KAZN: variants seen among roughly 807,000 people sequenced by gnomAD.
KAZN encodes kazrin.
KAZN carries 40 observed loss-of-function variants against 87.4 expected under a neutral mutation model. The ratio of observed to expected loss-of-function variants is 0.46; its 90% CI spans 0.36 to 0.60. KAZN has a LOEUF of 0.60. KAZN is among the 20% of genes least tolerant of loss of function. The pLI is 0.00. For missense variants in KAZN, 898 were observed against 1,073.9 expected (o/e 0.84, Z 2.29); for synonymous variants, 466 against 458.3 (o/e 1.02, Z -0.22).
chr1:14,086,604 G>A (rs1410439237), intron 1 of KAZN, among the ~76,000 whole-genome samples: 2 of 152,020 alleles, frequency 1.3e-5, no homozygotes, highest in African/African-American at 4.8e-5. Context: ...AAGTTCTAAA[G>A]ACATAAATAA....
At chr1:14,115,415 T>A (rs1644594178) in intron 1 of KAZN, among the ~76,000 whole-genome samples, 1 of 152,214 alleles carries the variant, frequency 6.6e-6, no homozygotes, top group Non-Finnish European at 1.5e-5. Context: ...TTTCCTGTGC[T>A]GTTCTCATGA....
intron 1 of KAZN, among the ~76,000 whole-genome samples, chr1:13,955,443 AT>A (rs1176392946): frequency 6.6e-6 from 1 of 152,086 alleles, no homozygotes; most frequent in Non-Finnish European, 1.5e-5. Flanking sequence ...TAAAATTATT[AT>A]TTTTTTAAAG....
At chr1:15,044,235 G>A (rs1043114445) in intron 4 of KAZN, 76 bp downstream of exon 4, 33 of 559,648 alleles carry the variant, frequency 5.9e-5, no homozygotes, top group African/African-American at 2.8e-4. Context: ...GTCTGGCACC[G>A]ACTCACATCG....
intron 1 of KAZN, among the ~76,000 whole-genome samples, chr1:14,853,479 T>A (rs1649706523): frequency 6.6e-6 from 1 of 152,118 alleles, no homozygotes; most frequent in South Asian, 2.1e-4. Context: ...AGATGGGGCA[T>A]CTGAGGCACA....
chr1:14,389,528 A>G (rs889033241), intron 2 of KAZN, among the ~76,000 whole-genome samples: 2 of 152,162 alleles, frequency 1.3e-5, no homozygotes, highest in African/African-American at 2.4e-5. Context: ...CATAAAAAGA[A>G]CAAGATCCTG....
At chr1:14,753,245 AT>A (rs1268307567) in intron 1 of KAZN, among the ~76,000 whole-genome samples, 1 of 152,058 alleles carries the variant, frequency 6.6e-6, no homozygotes, top group Non-Finnish European at 1.5e-5. Context: ...TTTTCTTTCA[AT>A]AGGTTTTTAG....
At chr1:14,740,249 G>T (rs1644047707) in intron 1 of KAZN, among the ~76,000 whole-genome samples, 1 of 152,154 alleles carries the variant, frequency 6.6e-6, no homozygotes, top group African/African-American at 2.4e-5. Context: ...CAGAGACACC[G>T]TGCTGTGCGG....
chr1:14,772,708 C>T (rs1262845812), intron 1 of KAZN, among the ~76,000 whole-genome samples: 1 of 152,138 alleles, frequency 6.6e-6, no homozygotes, highest in Non-Finnish European at 1.5e-5. Context: ...AAAGCCTTTG[C>T]TGCATTTCCA....
At chr1:14,723,740 G>A (rs1643240043) in intron 1 of KAZN, among the ~76,000 whole-genome samples, 2 of 152,176 alleles carry the variant, frequency 1.3e-5, no homozygotes, top group Admixed American at 1.3e-4. Flanking sequence ...AACCACGTCG[G>A]AGTGTGGCTC....
intron 2 of KAZN, among the ~76,000 whole-genome samples, chr1:14,571,742 C>G (rs1290645182): frequency 2.0e-5 from 3 of 152,166 alleles, no homozygotes; most frequent in African/African-American, 7.2e-5. Flanking sequence ...GGTACCTCCC[C>G]TCCGCCAAGA....
chr1:14,079,695 T>G (rs1304849419), intron 1 of KAZN, among the ~76,000 whole-genome samples: 1 of 152,182 alleles, frequency 6.6e-6, no homozygotes, highest in East Asian at 1.9e-4. Flanking sequence ...GTGGGAAAGT[T>G]ATCTCTGGGT....
rs141075864 is a variant in KAZN, at chr1:15,012,062, C to CT, written c.419-22685dup. Among the ~76,000 whole-genome samples the CT allele has an allele frequency of 5.3e-5, 8 of 152,312 alleles. No individual in the cohort carries two copies. In the East Asian group the frequency reaches 1.5e-3, roughly 29 times the overall value. Reference sequence around the variant, plus strand: ...AATGGCAGCTAACACCATGGGCACTCTTGCAGGTCCCTTGCATGTGGAGTA... The same window carrying CT: ...AATGGCAGCTAACACCATGGGCACTCTTTGCAGGTCCCTTGCATGTGGAGTA... On this transcript the variant is annotated intron_variant, in intron 2 of 14. Coordinates refer to ENST00000376030, the MANE Select transcript of KAZN (RefSeq NM_201628.3).
intron 2 of KAZN, among the ~76,000 whole-genome samples, chr1:14,418,424 CACT>C (rs1217681523): frequency 6.6e-6 from 1 of 152,138 alleles, no homozygotes; most frequent in Non-Finnish European, 1.5e-5. Context: ...AAACAGTGGC[CACT>C]ACTTTTATTA....
At chr1:14,244,593 G>T (rs1649317568) in intron 2 of KAZN, among the ~76,000 whole-genome samples, 1 of 152,082 alleles carries the variant, frequency 6.6e-6, no homozygotes, top group Non-Finnish European at 1.5e-5. Context: ...GGTGATAAGT[G>T]CTTGGGGGAA....
At chr1:15,045,326 C>T (rs1043730238) in intron 4 of KAZN, among the ~76,000 whole-genome samples, 4 of 152,184 alleles carry the variant, frequency 2.6e-5, no homozygotes, top group Admixed American at 2.0e-4. Context: ...GAATCCAGCC[C>T]CAGGTGCTTC....
intron 2 of KAZN, among the ~76,000 whole-genome samples, chr1:14,461,334 C>A (rs1306574907): frequency 6.6e-6 from 1 of 152,084 alleles, no homozygotes; most frequent in African/African-American, 2.4e-5. Context: ...TCATGGGGGG[C>A]AGTTCCCGCA....
intron 1 of KAZN, among the ~76,000 whole-genome samples, chr1:14,002,752 G>A (rs756904882): frequency 6.6e-6 from 1 of 152,160 alleles, no homozygotes; most frequent in Non-Finnish European, 1.5e-5. Context: ...TTACGCTGTT[G>A]GTGGGAATGT....
intron 8 of KAZN, among the ~76,000 whole-genome samples, chr1:15,089,917 T>A (rs969901848): frequency 3.3e-5 from 5 of 152,120 alleles, no homozygotes; most frequent in African/African-American, 1.2e-4. Context: ...AGAAGGAATT[T>A]CTTGGGGGCT....
chr1:14,313,429 C>A (rs768525987), intron 2 of KAZN, among the ~76,000 whole-genome samples: 1 of 152,184 alleles, frequency 6.6e-6, no homozygotes, highest in Admixed American at 6.5e-5. Context: ...TTATGTTCAT[C>A]TATGCCATAA....
Sources: allele counts gnomAD v4.1 joint callset (sites outside exome capture counted in the v4.1 genomes callset), GRCh38; gene constraint gnomAD v4.1.1; transcripts MANE v1.5; gene names NCBI Gene and HGNC (gene_info 2026-07-23, HGNC 2026-07-21).